Variants in FAM163B observed in about 807,000 individuals in gnomAD.
The protein encoded by FAM163B is protein FAM163B.
Under a neutral mutation model 7.6 loss-of-function variants are expected in FAM163B, and 4 were observed. The ratio of observed to expected loss-of-function variants is 0.52; its 90% confidence interval spans 0.26 to 1.20. The LOEUF is 1.20. Among genes scored for constraint, FAM163B ranks in the 50% most tolerant of loss-of-function variants. FAM163B has a pLI of 0.14. For missense variants in FAM163B, 250 were observed against 243.0 expected (o/e 1.03, Z -0.19); for synonymous variants, 120 against 111.6 (o/e 1.07, Z -0.47).
At chr9:133,588,363 C>T (rs1831472947) in intron 1 of FAM163B, among the ~76,000 whole-genome samples, 1 of 152,022 alleles carries the variant, frequency 6.6e-6, no homozygotes, top group African/African-American at 2.4e-5. Context: ...ACTTAAGGAC[C>T]TTGAACAGAA....
At chr9:133,591,201 G>A (rs561150639) in intron 1 of FAM163B, among the ~76,000 whole-genome samples, 6 of 152,194 alleles carry the variant, frequency 3.9e-5, no homozygotes, top group South Asian at 2.1e-4. Flanking sequence ...AGCCTCTTCC[G>A]CAGTGGCAGG....
At position 133,606,308 on chromosome 9, in the gene FAM163B, G is replaced by A. The variant is rs1279852446; in HGVS notation, c.-24+2769C>T. ...GGGGATTGGGCCAAGGCCTGCGGGA[G>A]GATTCAGCAACGGAGGGAGGGAGCT... On this transcript the variant is annotated intron_variant, in intron 1 of 2. Transcript: ENST00000673969. This position sits in a 1 kb window ranked among gnomAD's most constrained non-coding sequence, Gnocchi z 4.0. Among the ~76,000 whole-genome samples the A allele has an allele frequency of 6.6e-6, 1 of 152,228 alleles. No individual in the cohort carries two copies.
chr9:133,589,799 G>C (rs979606550), intron 1 of FAM163B, among the ~76,000 whole-genome samples: 11 of 152,142 alleles, frequency 7.2e-5, no homozygotes, highest in African/African-American at 2.7e-4. Flanking sequence ...CAGAGCTGTA[G>C]GCCAGGCCAG....
At chr9:133,591,852 G>A (rs1040468566) in intron 1 of FAM163B, among the ~76,000 whole-genome samples, 12 of 152,120 alleles carry the variant, frequency 7.9e-5, no homozygotes, top group African/African-American at 2.7e-4. Context: ...GCCTCAGGAC[G>A]GGGACCGCTC....
At position 133,601,021 on chromosome 9, in the gene FAM163B, C is replaced by T. The variant is rs1373870398; in HGVS notation, c.-24+8056G>A. 6.6e-6 allele frequency among the ~76,000 whole-genome samples: 1 copy of T among 152,094 alleles called. No homozygotes were observed. The highest frequency in any genetic ancestry group is 2.4e-5 in the African/African-American group (1 of 41,418). On this transcript the variant is annotated intron_variant, in intron 1 of 2. Coordinates refer to ENST00000673969, the MANE Select transcript of FAM163B (RefSeq NM_001080515.3). This position sits in a 1 kb window ranked among gnomAD's most constrained non-coding sequence, Gnocchi z 4.1. Reference sequence around the variant, plus strand: ...TCTCCCAAGTACCAGCCATGAGGACCCCTGGGAGGGCCCTACCCGCCTGCA... The same window carrying T: ...TCTCCCAAGTACCAGCCATGAGGACTCCTGGGAGGGCCCTACCCGCCTGCA...
At position 133,577,580 on chromosome 9, in the gene FAM163B, C is replaced by G. The variant is rs1004343293; in HGVS notation, c.*1442G>C. On this transcript the variant is annotated 3_prime_UTR_variant, in exon 3 of 3. Coordinates refer to ENST00000673969, the MANE Select transcript of FAM163B (RefSeq NM_001080515.3). ...CCTCCGCTCAGGGAAGGTCACTGCC[C>G]GGCCAAGCCTTGTCTTTGAGGGCGG... Among the ~76,000 whole-genome samples the G allele has an allele frequency of 1.3e-5, 2 of 152,242 alleles. No homozygotes were observed. The highest frequency in any genetic ancestry group is 2.9e-5 in the Non-Finnish European group (2 of 68,038).
At chr9:133,583,238 G>A (rs887312862) in intron 1 of FAM163B, among the ~76,000 whole-genome samples, 5 of 152,178 alleles carry the variant, frequency 3.3e-5, no homozygotes, top group Non-Finnish European at 7.3e-5. Context: ...TAGCAATGGG[G>A]GCCACTGCTT....
chr9:133,598,983 C>T (rs560408615), intron 1 of FAM163B, among the ~76,000 whole-genome samples: 313 of 152,226 alleles, frequency 2.1e-3, no homozygotes, highest in African/African-American at 6.8e-3. Context: ...GCCAGCCTGC[C>T]CCTGCTGGAT....
At position 133,606,167 on chromosome 9, in the gene FAM163B, C is replaced by T. The variant is rs2131266039; in HGVS notation, c.-24+2910G>A. On this transcript the variant is annotated intron_variant, in intron 1 of 2. Coordinates refer to ENST00000673969, the MANE Select transcript of FAM163B (RefSeq NM_001080515.3). This position sits in a 1 kb window ranked among gnomAD's most constrained non-coding sequence, Gnocchi z 4.0. ...CATTTTCCAGCCCAAGACCTTCAGG[C>T]CCAGGGTTCCACAGCCAGAAAGCAG... Among the ~76,000 whole-genome samples the T allele has an allele frequency of 6.6e-6, 1 of 152,298 alleles. No individual in the cohort carries two copies. The highest frequency in any genetic ancestry group is 2.4e-5 in the African/African-American group (1 of 41,558).
intron 1 of FAM163B, among the ~76,000 whole-genome samples, chr9:133,591,985 G>A (rs1044434419): frequency 1.1e-4 from 17 of 152,204 alleles, no homozygotes; most frequent in East Asian, 1.9e-4. Flanking sequence ...GCCGGGCCTC[G>A]CCTTCTCCAG....
In FAM163B at chr9:133,578,251, T is replaced by C. The variant is rs1831283317; in HGVS notation, c.*771A>G. On this transcript the variant is annotated 3_prime_UTR_variant, in exon 3 of 3. Coordinates refer to ENST00000673969, the MANE Select transcript of FAM163B (RefSeq NM_001080515.3). ...TGTTTCTGGCTGAGCACTGGGTCTA[T>C]ACATTTCCACGTTGCCTCTCCCACG... is the stretch of plus-strand genomic sequence containing the variant. Among the ~76,000 whole-genome samples the C allele has an allele frequency of 1.3e-5, 2 of 152,288 alleles. No individual in the cohort carries two copies. The highest frequency in any genetic ancestry group is 4.1e-4 in the South Asian group (2 of 4,828).
chr9:133,593,153 C>G (rs540453205), intron 1 of FAM163B, among the ~76,000 whole-genome samples: 2 of 152,242 alleles, frequency 1.3e-5, no homozygotes, highest in South Asian at 4.1e-4. Flanking sequence ...GTTTCCCCCC[C>G]TGTATCGCTG....
chr9:133,606,880 G>A lies in FAM163B; in HGVS notation c.-24+2197C>T, dbSNP rs531201659. Among the ~76,000 whole-genome samples the A allele has an allele frequency of 9.3e-4, 141 of 152,334 alleles. No individual in the cohort carries two copies. Among genetic ancestry groups the A allele is most frequent in the African/African-American group, 3.0e-3 (126 of 41,576 alleles). ...CCGCTGCCATGAGGCTGCAGAGGCAGGCCCACGTGGCAGGAGCCAGAGGTC... is the reference window on the plus strand; with the variant it reads ...CCGCTGCCATGAGGCTGCAGAGGCAAGCCCACGTGGCAGGAGCCAGAGGTC... On this transcript the variant is annotated intron_variant, in intron 1 of 2. Transcript: ENST00000673969. This position sits in a 1 kb window ranked among gnomAD's most constrained non-coding sequence, Gnocchi z 4.0.
rs767872417 is a variant in FAM163B at position 133,577,361 on chromosome 9, C to T, written c.*1661G>A. ...AGGAAGCCAGAGGTGTGGGCGGGCCCGGGGGGCCGGGGCTGCGAGGGACCT... is the reference window on the plus strand; with the variant it reads ...AGGAAGCCAGAGGTGTGGGCGGGCCTGGGGGGCCGGGGCTGCGAGGGACCT... On this transcript the variant is annotated 3_prime_UTR_variant, in exon 3 of 3. Transcript: ENST00000673969. Among the ~76,000 whole-genome samples the T allele has an allele frequency of 6.9e-4, 104 of 151,028 alleles. No homozygotes were observed. Among genetic ancestry groups the T allele is most frequent in the Non-Finnish European group, 1.3e-3 (86 of 67,732 alleles).
chr9:133,586,078 GCT>G (rs1187712628), intron 1 of FAM163B: 4 of 152,226 alleles, frequency 2.6e-5, no homozygotes, highest in Admixed American at 2.0e-4. Flanking sequence ...TGCTCCGCGG[GCT>G]CCCAGATGCC....
In FAM163B at chr9:133,592,577, C is replaced by A. The variant is rs371391479; in HGVS notation, c.-23-12331G>T. 2.5e-3 allele frequency among the ~76,000 whole-genome samples: 378 copies of A among 152,328 alleles called. 5 individuals are homozygous for A. Among genetic ancestry groups the A allele is most frequent in the African/African-American group, 8.3e-3 (347 of 41,572 alleles). On this transcript the variant is annotated intron_variant, in intron 1 of 2. Transcript: ENST00000673969. The stretch of plus-strand genomic sequence containing the variant: ...GGGGAGGCTGCGCCAGTGAACATTG[C>A]CCTCTCCGGCCAAGGGCCTGCCCTC...
At chr9:133,594,785 G>A (rs553604567) in intron 1 of FAM163B, among the ~76,000 whole-genome samples, 2 of 152,134 alleles carry the variant, frequency 1.3e-5, no homozygotes, top group East Asian at 3.9e-4. Context: ...CTGAGTGAGG[G>A]GCCCAGATGC....
intron 1 of FAM163B, among the ~76,000 whole-genome samples, chr9:133,588,702 G>C (rs1251606531): frequency 1.8e-5 from 1 of 56,082 alleles, no homozygotes; most frequent in Non-Finnish European, 4.1e-5. Flanking sequence ...GCATGCTGAG[G>C]GATCTAGCAT....
chr9:133,605,674 A>G (rs941043756), intron 1 of FAM163B, among the ~76,000 whole-genome samples: 5 of 152,134 alleles, frequency 3.3e-5, no homozygotes, highest in Admixed American at 1.3e-4. Context: ...TGCTGAAACA[A>G]CAGTCCTCCC....
Sources: gnomAD v4.1 joint callset for allele counts (sites outside exome capture counted in the v4.1 genomes callset) on GRCh38, gnomAD v4.1.1 for gene constraint, Gnocchi (gnomAD v3.1) non-coding constraint, MANE v1.5 for transcripts, NCBI Gene and HGNC (gene_info 2026-07-23, HGNC 2026-07-21) for gene names.